The following GRID2 variants were observed in gnomAD, a reference collection of about 807,000 sequenced individuals.
GRID2 encodes the protein glutamate ionotropic receptor delta type subunit 2, also known as glutamate receptor ionotropic, delta-2.
GRID2 carries 33 observed loss-of-function variants against 114.8 expected under a neutral mutation model. The ratio of observed to expected loss-of-function variants is 0.29; its 90% CI spans 0.22 to 0.38. GRID2 has a LOEUF of 0.38. Among genes scored for constraint, GRID2 ranks in the 10% least tolerant of loss-of-function variants. The pLI is 1.00. For missense variants in GRID2, 1,184 were observed against 1,257.7 expected (o/e 0.94, Z 0.89); for synonymous variants, 505 against 449.9 (o/e 1.12, Z -1.55).
intron 12 of GRID2, among the ~76,000 whole-genome samples, chr4:93,496,637 T>G (rs910274481): frequency 3.3e-5 from 5 of 151,840 alleles, no homozygotes; most frequent in Admixed American, 3.3e-4. Flanking sequence ...GTATGTGGCC[T>G]TTCGAAAATG....
chr4:93,023,438 C>CA (rs1203017731), intron 2 of GRID2, among the ~76,000 whole-genome samples: 1 of 151,936 alleles, frequency 6.6e-6, no homozygotes, highest in Admixed American at 6.6e-5. Flanking sequence ...TGTTTAATCA[C>CA]AATGTTTCTC....
intron 14 of GRID2, among the ~76,000 whole-genome samples, chr4:93,644,666 G>A (rs961489887): frequency 1.3e-5 from 2 of 152,024 alleles, no homozygotes; most frequent in African/African-American, 2.4e-5. Flanking sequence ...CATGTTTTTA[G>A]CAAGTGCAGA....
intron 8 of GRID2, among the ~76,000 whole-genome samples, chr4:93,352,614 G>T (rs1048238879): frequency 6.6e-6 from 1 of 152,002 alleles, no homozygotes; most frequent in African/African-American, 2.4e-5. Flanking sequence ...TGGCTCCAAA[G>T]TCCTACACTC....
chr4:92,516,852 G>A (rs569297996), intron 1 of GRID2, among the ~76,000 whole-genome samples: 2 of 151,850 alleles, frequency 1.3e-5, no homozygotes, highest in South Asian at 2.1e-4. Context: ...GCTCTTCTTC[G>A]TTAGGTTGTG....
chr4:93,378,128 A>T (rs1560558135), intron 8 of GRID2, among the ~76,000 whole-genome samples: 3 of 152,118 alleles, frequency 2.0e-5, no homozygotes, highest in African/African-American at 7.2e-5. Flanking sequence ...TGTTTCAAAA[A>T]ATTTATACCT....
chr4:92,549,476 T>C (rs1204052972), intron 1 of GRID2, among the ~76,000 whole-genome samples: 1 of 152,144 alleles, frequency 6.6e-6, no homozygotes, highest in Admixed American at 6.6e-5. Flanking sequence ...TCCAACTATC[T>C]GACAATTCTT....
intron 2 of GRID2, among the ~76,000 whole-genome samples, chr4:92,833,350 T>C (rs148202819): frequency 4.0e-4 from 61 of 152,300 alleles, no homozygotes; most frequent in African/African-American, 1.3e-3. Context: ...TACTGACACA[T>C]GTACTTCATC....
At chr4:93,362,209 G>C (rs1459341540) in intron 8 of GRID2, among the ~76,000 whole-genome samples, 1 of 152,110 alleles carries the variant, frequency 6.6e-6, no homozygotes, top group South Asian at 2.1e-4. Context: ...CTGTGAGCCT[G>C]TGCCTCAGTG....
At position 92,794,905 on chromosome 4, in the gene GRID2, T is replaced by TACACACACAC. The variant is rs1553928475; in HGVS notation, c.244+204631_244+204640dup. On this transcript the variant is annotated intron_variant, in intron 2 of 15. Transcript: ENST00000282020. ...ATATATATATATATATATATATATA[T>TACACACACAC]ACACACACACACACACACACATATC... Among the ~76,000 whole-genome samples, 38 of 127,802 alleles carry TACACACACAC rather than the reference T, an allele frequency of 3.0e-4. 2 individuals carry two copies. The South Asian group carries it at 7.7e-3, about 26-fold the overall frequency. The allele number at this position is 127,802 out of a possible 152,430, so 83.8% of individuals were successfully genotyped here.
At chr4:93,728,417 A>G (rs906215864) in intron 14 of GRID2, among the ~76,000 whole-genome samples, 8 of 152,022 alleles carry the variant, frequency 5.3e-5, no homozygotes, top group South Asian at 2.1e-4. Flanking sequence ...TATGTGGTCA[A>G]TTTTGGAATA....
At chr4:92,821,476 C>A (rs1741276582) in intron 2 of GRID2, among the ~76,000 whole-genome samples, 1 of 151,734 alleles carries the variant, frequency 6.6e-6, no homozygotes, top group African/African-American at 2.4e-5. Context: ...TTTTAAGTTT[C>A]TCAAAAGTGT....
At chr4:93,659,512 A>T (rs1355925898) in intron 14 of GRID2, among the ~76,000 whole-genome samples, 1 of 152,200 alleles carries the variant, frequency 6.6e-6, no homozygotes, top group Non-Finnish European at 1.5e-5. Context: ...AAAGTTCTGA[A>T]ATTAAAAGAG....
chr4:92,915,269 A>C (rs1207234701), intron 2 of GRID2, among the ~76,000 whole-genome samples: 2 of 152,114 alleles, frequency 1.3e-5, no homozygotes, highest in Non-Finnish European at 2.9e-5. Context: ...CCTTATTCTA[A>C]TGCCTAACAG....
intron 11 of GRID2, among the ~76,000 whole-genome samples, chr4:93,471,368 G>T (rs77049933): frequency 1.3e-5 from 2 of 151,970 alleles, no homozygotes; most frequent in Non-Finnish European, 2.9e-5. Flanking sequence ...ATTGTATTCC[G>T]TAACTCCCCT....
At chr4:93,653,599 G>A (rs1029955520) in intron 14 of GRID2, among the ~76,000 whole-genome samples, 2 of 152,048 alleles carry the variant, frequency 1.3e-5, no homozygotes, top group African/African-American at 4.8e-5. Context: ...AGAATAAACT[G>A]CCTTCTAAAT....
chr4:93,716,123 C>G (rs1477872788), intron 14 of GRID2, among the ~76,000 whole-genome samples: 1 of 151,962 alleles, frequency 6.6e-6, no homozygotes, highest in Non-Finnish European at 1.5e-5. Context: ...GCATATAATT[C>G]TGCTTACCTG....
chr4:93,552,997 G>A (rs1367481853), intron 13 of GRID2, among the ~76,000 whole-genome samples: 11 of 152,116 alleles, frequency 7.2e-5, no homozygotes, highest in African/African-American at 2.7e-4. Context: ...ATTCCATGGT[G>A]TACATGTGCC....
At chr4:93,516,586 T>C (rs1729754904) in intron 13 of GRID2, among the ~76,000 whole-genome samples, 1 of 152,138 alleles carries the variant, frequency 6.6e-6, no homozygotes, top group South Asian at 2.1e-4. Flanking sequence ...TTCTAAAATA[T>C]TTCTTGGCTT....
intron 2 of GRID2, among the ~76,000 whole-genome samples, chr4:92,709,632 A>AT (rs962479715): frequency 6.7e-6 from 1 of 148,692 alleles, no homozygotes; most frequent in Non-Finnish European, 1.5e-5. Flanking sequence ...TTCTCCATAT[A>AT]TTTGCTTCTG....
Sources: allele counts gnomAD v4.1 joint callset (sites outside exome capture counted in the v4.1 genomes callset), GRCh38; gene constraint gnomAD v4.1.1; transcripts MANE v1.5; gene names NCBI Gene and HGNC (gene_info 2026-07-23, HGNC 2026-07-21).